ANO1: variants seen among roughly 807,000 people sequenced by gnomAD.
ANO1 encodes the protein anoctamin 1.
ANO1 carries 59 observed loss-of-function variants against 124.0 expected under a neutral mutation model. The observed-to-expected ratio is 0.48, with a 90% confidence interval of 0.39 to 0.59. The LOEUF is 0.59. Among genes scored for constraint, ANO1 ranks in the 20% least tolerant of loss-of-function variants. ANO1 has a pLI of 0.00. For synonymous variants in ANO1, 529 were observed against 532.0 expected (o/e 0.99, Z 0.08); for missense variants, 1,059 against 1,328.0 (o/e 0.80, Z 3.15).
chr11:70,187,213 G>T lies in ANO1; in HGVS notation c.2695-525G>T, dbSNP rs545148455. ...CCGTGGCGGGAACCTGCTCAGCCGG[G>T]GGTGCTCACACGTGCTTGCTGGACA... On this transcript the variant is annotated intron_variant, in intron 25 of 25. Coordinates refer to ENST00000355303, the MANE Select transcript of ANO1 (RefSeq NM_018043.7). Among the ~76,000 whole-genome samples, 3 of 152,360 alleles carry T rather than the reference G, an allele frequency of 2.0e-5. No individual in the cohort carries two copies. In the South Asian group the frequency reaches 6.2e-4, roughly 32 times the overall value.
chr11:70,006,421 G>C (rs557414157), intron 1 of ANO1, among the ~76,000 whole-genome samples: 1 of 151,930 alleles, frequency 6.6e-6, no homozygotes. Context: ...GGGTGGGCGC[G>C]CCCAGGCTGA....
At chr11:70,134,692 C>A (rs2046885989) in intron 11 of ANO1, among the ~76,000 whole-genome samples, 1 of 152,140 alleles carries the variant, frequency 6.6e-6, no homozygotes, top group Admixed American at 6.6e-5. Flanking sequence ...AGGATGTGCA[C>A]GTGCCTGGTG....
intron 24 of ANO1, 82 bp from the exon 25 acceptor site, chr11:70,185,508 G>C (rs1194279960): frequency 7.6e-7 from 1 of 1,307,324 alleles, no homozygotes; most frequent in Non-Finnish European, 1.1e-6. Flanking sequence ...CCTCTCCCAG[G>C]CGTCCCTCGA....
At chr11:70,104,270 C>T (rs759394010) in intron 4 of ANO1, 120 bp downstream of exon 4, 70 of 1,221,794 alleles carry the variant, frequency 5.7e-5, no homozygotes, top group Non-Finnish European at 7.5e-5. Flanking sequence ...CTTGTAAGAG[C>T]TTTGTGGTTG....
At chr11:70,077,055 C>T (rs2044070191), upstream of ANO1, among the ~76,000 whole-genome samples, 1 of 152,174 alleles carries the variant, frequency 6.6e-6, no homozygotes, top group Non-Finnish European at 1.5e-5. Flanking sequence ...TTCTCTCCAA[C>T]CCTATCCTAG....
chr11:70,178,911 T>C (rs1422971022), intron 22 of ANO1, among the ~76,000 whole-genome samples: 1 of 152,248 alleles, frequency 6.6e-6, no homozygotes, highest in African/African-American at 2.4e-5. Flanking sequence ...TGATCTATCA[T>C]TGAATTGACA....
intron 1 of ANO1, among the ~76,000 whole-genome samples, chr11:70,028,408 G>A (rs2135022043): frequency 6.6e-6 from 1 of 152,232 alleles, no homozygotes; most frequent in Admixed American, 6.5e-5. Flanking sequence ...CCACCCCAGG[G>A]ACAACATGCT....
intron 1 of ANO1, among the ~76,000 whole-genome samples, chr11:70,057,061 C>T (rs1261758542): frequency 6.6e-6 from 1 of 152,134 alleles, no homozygotes; most frequent in Non-Finnish European, 1.5e-5. Context: ...TCTAATTACC[C>T]CAATATCTGG....
At chr11:70,142,881 C>T (rs139174267) in intron 11 of ANO1, among the ~76,000 whole-genome samples, 5 of 152,258 alleles carry the variant, frequency 3.3e-5, no homozygotes, top group East Asian at 1.9e-4. Flanking sequence ...TCCAAGGGTA[C>T]GAATCCCATC....
At chr11:70,065,643 G>C (rs1857698586) in intron 1 of ANO1, among the ~76,000 whole-genome samples, 1 of 151,438 alleles carries the variant, frequency 6.6e-6, no homozygotes, top group Non-Finnish European at 1.5e-5. Flanking sequence ...CGTCCCCCTA[G>C]TTGGCCTGGC....
rs140043461 is a variant in ANO1 at position 70,001,773 on chromosome 11, A to ATGTG, written c.58+15629_58+15632dup. On this transcript the variant is annotated intron_variant, in intron 1 of 27. Transcript: ENST00000531349. The stretch of plus-strand genomic sequence containing the variant: ...TATATATCTGTGACACTTCAATAAG[A>ATGTG]TGTGTGTGTGTGTGTGTGTGTGTGT... Among the ~76,000 whole-genome samples the ATGTG allele has an allele frequency of 2.4e-3, 368 of 150,360 alleles. 1 individual carries two copies. The highest frequency in any genetic ancestry group is 3.8e-3 in the Non-Finnish European group (254 of 67,398).
At chr11:70,135,180 G>C (rs1331779973) in intron 11 of ANO1, among the ~76,000 whole-genome samples, 1 of 152,088 alleles carries the variant, frequency 6.6e-6, no homozygotes, top group East Asian at 1.9e-4. Context: ...TGGGGACCCT[G>C]ATTTCATCCG....
intron 5 of ANO1, among the ~76,000 whole-genome samples, chr11:70,106,289 C>G (rs1333834477): frequency 6.6e-6 from 1 of 152,240 alleles, no homozygotes; most frequent in East Asian, 1.9e-4. Context: ...ATTCAAGGCA[C>G]TGGCTTCATG....
chr11:70,027,810 G>A (rs1260120452), intron 1 of ANO1, among the ~76,000 whole-genome samples: 1 of 152,178 alleles, frequency 6.6e-6, no homozygotes, highest in Non-Finnish European at 1.5e-5. Flanking sequence ...GTGGGGAAAG[G>A]TGAGGTGGTG....
chr11:70,038,137 A>C (rs1857124804), intron 1 of ANO1, among the ~76,000 whole-genome samples: 1 of 152,170 alleles, frequency 6.6e-6, no homozygotes, highest in South Asian at 2.1e-4. Context: ...TCTTTGCTCT[A>C]TGCATATCTA....
intron 7 of ANO1, 78 bp downstream of exon 7, chr11:70,111,840 C>A: frequency 7.2e-7 from 1 of 1,396,650 alleles, no homozygotes; most frequent in Non-Finnish European, 1.0e-6. Flanking sequence ...CCCCCGGGAG[C>A]TGCAATTATC....
chr11:70,187,598 T>C (rs867144111), intron 25 of ANO1, 140 bp from the exon 26 acceptor site: 7 of 1,080,368 alleles, frequency 6.5e-6, no homozygotes, highest in South Asian at 1.7e-5. Flanking sequence ...TTATAGCTTC[T>C]GGAAAACTGA....
At chr11:70,169,208 C>A (rs1042312611) in intron 21 of ANO1, among the ~76,000 whole-genome samples, 1 of 152,134 alleles carries the variant, frequency 6.6e-6, no homozygotes, top group African/African-American at 2.4e-5. Context: ...CTGGACATCA[C>A]GTCCCGAGTT....
chr11:70,010,179 G>GTGTGTGTGTATATATATA, intron 1 of ANO1, among the ~76,000 whole-genome samples: 3 of 83,774 alleles, frequency 3.6e-5, no homozygotes, highest in Non-Finnish European at 4.8e-5. Flanking sequence ...GTGTGTGTGT[G>GTGTGTGTGTATATATATA]TATATATATA....
Sources: allele counts gnomAD v4.1 joint callset (sites outside exome capture counted in the v4.1 genomes callset), GRCh38; gene constraint gnomAD v4.1.1; transcripts MANE v1.5; gene names NCBI Gene and HGNC (gene_info 2026-07-23, HGNC 2026-07-21).